Variants in ATOH8 observed in about 807,000 individuals in gnomAD.
ATOH8 encodes transcription factor ATOH8.
A neutral mutation model predicts 21.2 loss-of-function variants in ATOH8; 9 were observed. The observed-to-expected ratio is 0.42, with a 90% CI of 0.26 to 0.74. ATOH8 has a LOEUF of 0.74. ATOH8 is among the 30% of genes least tolerant of loss of function. ATOH8 has a pLI of 0.24. For missense variants in ATOH8, 524 were observed against 470.9 expected (o/e 1.11, Z -1.04); for synonymous variants, 253 against 224.0 (o/e 1.13, Z -1.16).
chr2:85,763,909 A>G (rs916121269), intron 1 of ATOH8, 82 bp from the exon 2 acceptor site: 2 of 1,357,908 alleles, frequency 1.5e-6, no homozygotes, highest in East Asian at 2.5e-5. Flanking sequence ...GGGCTCAGAT[A>G]TACCATAGAC....
At chr2:85,762,371 G>T (rs1679892836) in intron 1 of ATOH8, among the ~76,000 whole-genome samples, 1 of 152,216 alleles carries the variant, frequency 6.6e-6, no homozygotes, top group Admixed American at 6.5e-5. Flanking sequence ...TTTGAGCCCA[G>T]TTCAAAATAT....
chr2:85,784,307 G>A (rs931780250), intron 2 of ATOH8, among the ~76,000 whole-genome samples: 3 of 152,196 alleles, frequency 2.0e-5, no homozygotes, highest in African/African-American at 7.2e-5. Context: ...GGAGGCTGAG[G>A]CGAGGGGATT....
At chr2:85,757,069 T>C (rs1451176780) in intron 1 of ATOH8, among the ~76,000 whole-genome samples, 1 of 152,256 alleles carries the variant, frequency 6.6e-6, no homozygotes, top group Non-Finnish European at 1.5e-5. Context: ...CACATGCTCC[T>C]TACACGTGCT....
chr2:85,776,265 T>C (rs1680320105), intron 2 of ATOH8, among the ~76,000 whole-genome samples: 1 of 152,218 alleles, frequency 6.6e-6, no homozygotes, highest in East Asian at 1.9e-4. Context: ...CTTCAGGGGT[T>C]GCCTGGCGGC....
At chr2:85,764,637 C>T (rs763583354) in intron 2 of ATOH8, among the ~76,000 whole-genome samples, 16 of 152,126 alleles carry the variant, frequency 1.1e-4, no homozygotes, top group Non-Finnish European at 2.9e-5. Context: ...GCATTAAGGG[C>T]GGTGATGGTC....
In ATOH8 at chr2:85,764,093, A is replaced by G; in HGVS notation, c.871A>G (p.Ser291Gly). ...GGCGCGGCTGGCTGACCTTGACTACAGTGCCGACCACAGCAACCTCAGCTT... is the reference window on the plus strand; with the variant it reads ...GGCGCGGCTGGCTGACCTTGACTACGGTGCCGACCACAGCAACCTCAGCTT... ...SLARLADLDY[S>G]ADHSNLSFSE... The change falls in exon 2 of 3, where the codon AGT (serine) becomes GGT (glycine). Residue 291 changes from serine (S) to glycine (G), a missense_variant. Physicochemically the swap from Ser to Gly is moderately conservative, Grantham distance 56. Coordinates refer to ENST00000306279, the MANE Select transcript of ATOH8 (RefSeq NM_032827.7). The G allele has an allele frequency of 6.2e-7, 1 of 1,614,134 alleles. No homozygotes were observed. The highest frequency in any genetic ancestry group is 8.5e-7 in the Non-Finnish European group (1 of 1,180,022).
intron 2 of ATOH8, among the ~76,000 whole-genome samples, chr2:85,782,475 G>A (rs959768046): frequency 6.6e-6 from 1 of 151,804 alleles, no homozygotes; most frequent in Non-Finnish European, 1.5e-5. Context: ...TTTTAAACTG[G>A]AAACGAACAA....
intron 1 of ATOH8, among the ~76,000 whole-genome samples, chr2:85,757,382 T>G (rs989749390): frequency 2.0e-5 from 3 of 152,106 alleles, no homozygotes; most frequent in Non-Finnish European, 2.9e-5. Context: ...CCGCACCCCC[T>G]CCCCGAATCC....
intron 2 of ATOH8, among the ~76,000 whole-genome samples, chr2:85,765,705 G>A (rs1248772216): frequency 2.6e-5 from 4 of 152,242 alleles, no homozygotes; most frequent in Admixed American, 6.5e-5. Flanking sequence ...CCCTACCCCC[G>A]CACCCTCCTC....
At chr2:85,764,220 C>T in intron 2 of ATOH8, 38 bp downstream of exon 2, 1 of 1,607,530 alleles carries the variant, frequency 6.2e-7, no homozygotes, top group Non-Finnish European at 8.5e-7. Context: ...TTCTGGGGAG[C>T]ATAGGGGAGG....
chr2:85,754,399 C>G lies in ATOH8; in HGVS notation c.210C>G (p.Val70=). 6.3e-7 allele frequency: 1 copy of G among 1,575,400 alleles called. No homozygotes were observed. Among genetic ancestry groups the G allele is most frequent in the African/African-American group, 1.4e-5 (1 of 70,932 alleles). The change falls in exon 1 of 3, where the codon GTC becomes GTG. Residue 70 remains valine (V), a synonymous_variant. Transcript: ENST00000306279. ...LRDRTHRLQP[V]PVPVPVPVPV... ...ACAGGACCCATCGGCTGCAGCCGGT[C>G]CCGGTACCGGTGCCGGTGCCAGTCC...
Position 85,754,596 on chromosome 2 carries a change from C to T in ATOH8, c.407C>T (p.Ala136Val). Reference sequence around the variant, plus strand: ...CCGCCTCCTGCGCCCCAGAGCCAGGCACCTGGGGGCCCAGAGGCACAGCCT... The same window carrying T: ...CCGCCTCCTGCGCCCCAGAGCCAGGTACCTGGGGGCCCAGAGGCACAGCCT... ...PPPPPAPQSQ[A>V]PGGPEAQPFR... The change falls in exon 1 of 3, where the codon GCA becomes GTA. Residue 136 changes from alanine to valine, a missense_variant. Transcript: ENST00000306279. The T allele has an allele frequency of 2.0e-6, 3 of 1,473,946 alleles. No homozygotes were observed. Among genetic ancestry groups the T allele is most frequent in the Non-Finnish European group, 2.7e-6 (3 of 1,121,028 alleles). 91.3% of individuals were successfully genotyped at this position (1,473,946 alleles called of 1,614,324 possible).
Position 85,764,039 on chromosome 2 carries a change from A to C in ATOH8, c.817A>C (p.Arg273=). 2 of 1,614,146 alleles carry C rather than the reference A, an allele frequency of 1.2e-6. No individual in the cohort carries two copies. The highest frequency in any genetic ancestry group is 2.2e-5 in the East Asian group (1 of 44,872). Residue 273 remains arginine (R), a synonymous_variant, in exon 2 of 3, where the codon AGG becomes CGG. Transcript: ENST00000306279. ...GQKLSKLAIL[R]IACNYILSLA... is the part of the protein sequence containing the mutation. Reference sequence around the variant, plus strand: ...GAAGCTGTCCAAACTGGCCATCCTGAGGATCGCCTGTAACTACATCCTGTC... The same window carrying C: ...GAAGCTGTCCAAACTGGCCATCCTGCGGATCGCCTGTAACTACATCCTGTC...
At chr2:85,779,581 C>G (rs566414667) in intron 2 of ATOH8, among the ~76,000 whole-genome samples, 1 of 152,316 alleles carries the variant, frequency 6.6e-6, no homozygotes, top group African/African-American at 2.4e-5. Flanking sequence ...CCAAGATTTT[C>G]TTAGAACCAA....
intron 1 of ATOH8, 24 bp downstream of exon 1, chr2:85,754,981 C>T (rs748419862): frequency 2.2e-5 from 34 of 1,566,538 alleles, no homozygotes; most frequent in Admixed American, 3.7e-5. Context: ...GCCGCACGCC[C>T]TCACTGCGCC....
intron 1 of ATOH8, among the ~76,000 whole-genome samples, chr2:85,758,519 C>T (rs1321528407): frequency 6.6e-6 from 1 of 152,246 alleles, no homozygotes; most frequent in Non-Finnish European, 1.5e-5. Flanking sequence ...GCCCAGACTC[C>T]TAACAGCTCT....
intron 1 of ATOH8, among the ~76,000 whole-genome samples, chr2:85,758,451 T>C (rs978085481): frequency 6.6e-6 from 1 of 152,200 alleles, no homozygotes; most frequent in Non-Finnish European, 1.5e-5. Flanking sequence ...TCATGTACAG[T>C]GGCAGCCTGC....
At chr2:85,759,082 C>G (rs1679793114) in intron 1 of ATOH8, among the ~76,000 whole-genome samples, 1 of 152,188 alleles carries the variant, frequency 6.6e-6, no homozygotes, top group African/African-American at 2.4e-5. Context: ...TGCCAAGCAC[C>G]TGGGGCCCGG....
intron 2 of ATOH8, chr2:85,773,503 G>C (rs1362116498): frequency 6.5e-6 from 1 of 153,132 alleles, no homozygotes; most frequent in Non-Finnish European, 1.5e-5. Context: ...GTTGGGCCTG[G>C]GGCTGCCATG....
Sources: gnomAD v4.1 joint callset for allele counts (sites outside exome capture counted in the v4.1 genomes callset) on GRCh38, gnomAD v4.1.1 for gene constraint, MANE v1.5 for transcripts, NCBI Gene and HGNC (gene_info 2026-07-23, HGNC 2026-07-21) for gene names.